Variants in ANKRD36B observed in about 807,000 individuals in gnomAD.
The protein encoded by ANKRD36B is ankyrin repeat domain-containing protein 36B.
In ANKRD36B, 37 loss-of-function variants were observed where a neutral mutation model predicts 135.7. The ratio of observed to expected loss-of-function variants is 0.27; its 90% CI spans 0.21 to 0.36. The LOEUF is 0.36. Ranked by LOEUF, ANKRD36B falls within the 10% of genes least tolerant of loss-of-function variation. The probability of loss-of-function intolerance (pLI) is 1.00; values close to 1 mark genes in which losing one functional copy is unlikely to be tolerated. For missense variants in ANKRD36B, 549 were observed against 1,037.1 expected (o/e 0.53, Z 6.46); for synonymous variants, 179 against 348.1 (o/e 0.51, Z 5.41).
intron 28 of ANKRD36B, 188 bp downstream of exon 28, chr2:97,541,723 C>A: frequency 3.8e-6 from 2 of 528,018 alleles, no homozygotes; most frequent in South Asian, 3.0e-5. Flanking sequence ...AGTCTACAAT[C>A]TTACTACTCA....
At chr2:97,585,941 CTT>C (rs1160201580) in intron 1 of ANKRD36B, among the ~76,000 whole-genome samples, 1 of 152,150 alleles carries the variant, frequency 6.6e-6, no homozygotes, top group Non-Finnish European at 1.5e-5. Flanking sequence ...CTACTATTCT[CTT>C]ATATATTAAC....
chr2:97,531,731 T>A lies in ANKRD36B; in HGVS notation c.2265+580A>T, dbSNP rs1362906078. The stretch of plus-strand genomic sequence containing the variant: ...ATTTAGAGATTTTCTATATTGAAAT[T>A]CATTAGGCAGTTATTGTTTGTACAC... On this transcript the variant is annotated intron_variant, in intron 35 of 43. Transcript: ENST00000359901. Among the ~76,000 whole-genome samples, 3 of 96,418 alleles carry A rather than the reference T, an allele frequency of 3.1e-5. 1 individual carries two copies. Among genetic ancestry groups the A allele is most frequent in the Admixed American group, 9.2e-5 (1 of 10,850 alleles). The allele number at this position is 96,418 out of a possible 152,430, so 63.3% of individuals were successfully genotyped here.
chr2:97,584,561 T>C (rs541552913), intron 3 of ANKRD36B, among the ~76,000 whole-genome samples: 1 of 151,846 alleles, frequency 6.6e-6, no homozygotes, highest in East Asian at 1.9e-4. Context: ...TTAATTTTCT[T>C]TGACATTTAA....
At chr2:97,586,944 C>CG (rs907782115) in intron 1 of ANKRD36B, among the ~76,000 whole-genome samples, 1 of 152,074 alleles carries the variant, frequency 6.6e-6, no homozygotes, top group African/African-American at 2.4e-5. Context: ...GAGGCCGAGG[C>CG]GGGGGGATCA....
At position 97,536,491 on chromosome 2, in the gene ANKRD36B, G is replaced by C; in HGVS notation, c.2095C>G (p.Pro699Ala). The stretch of plus-strand genomic sequence containing the variant: ...ACCTTCAAGGTGCGCAGATTCTCAG[G>C]ATACTCTAACAAGCAAGAGAAATAT... Reference protein sequence around the residue: ...TGGGKSGTEYPENLRTLKATI... With the variant: ...TGGGKSGTEYAENLRTLKATI... Residue 699 changes from proline (P) to alanine (A), a missense_variant, in exon 33 of 44, where the codon CCT (proline) becomes GCT (alanine). Transcript: ENST00000359901. The C allele has an allele frequency of 2.2e-6, 2 of 903,968 alleles. 1 individual carries two copies. The highest frequency in any genetic ancestry group is 2.5e-5 in the South Asian group (2 of 78,600). The allele number at this position is 903,968 out of a possible 1,614,324, so 56.0% of individuals were successfully genotyped here. A position where few individuals can be genotyped will look rare whatever the true frequency, so the allele number is the denominator to read the frequency against.
At position 97,551,372 on chromosome 2, in the gene ANKRD36B, T is replaced by G. The variant is rs150582296; in HGVS notation, c.1303-11A>C. The stretch of plus-strand genomic sequence containing the variant: ...CTCATCACTTGTGGCCTGAATGGAA[T>G]TTGAAACAAAATAATAAATAAGGTA... On this transcript the variant is annotated splice_polypyrimidine_tract_variant and intron_variant, in intron 17 of 43. Transcript: ENST00000359901. 5.2e-3 allele frequency: 8,360 copies of G among 1,600,516 alleles called. 360 individuals are homozygous for G. The East Asian group carries it at 0.11, about 22-fold the overall frequency.
intron 35 of ANKRD36B, among the ~76,000 whole-genome samples, chr2:97,525,418 G>A (rs1440636395): frequency 1.0e-5 from 1 of 96,376 alleles, no homozygotes; most frequent in African/African-American, 3.1e-5. Context: ...TTCTTTGTCT[G>A]GCAGCCAAGA....
Position 97,551,277 on chromosome 2 carries a change from T to C in ANKRD36B, c.1375+12A>G. 1 of 1,549,066 alleles carries C rather than the reference T, an allele frequency of 6.5e-7. No individual in the cohort carries two copies. The highest frequency in any genetic ancestry group is 8.7e-7 in the Non-Finnish European group (1 of 1,150,708). On this transcript the variant is annotated intron_variant, in intron 18 of 43. Transcript: ENST00000359901. ...GACTGAACATGACATTAAATGTGTT[T>C]CGCAAAATTACCTGTCCTAGATATT...
chr2:97,555,331 A>T, intron 12 of ANKRD36B, 77 bp from the exon 13 acceptor site: 1 of 1,585,696 alleles, frequency 6.3e-7, no homozygotes, highest in Non-Finnish European at 8.6e-7. Flanking sequence ...AAATGTTAGC[A>T]TCAAGCTGTA....
At chr2:97,533,402 A>G (rs1184883652) in intron 34 of ANKRD36B, among the ~76,000 whole-genome samples, 2 of 97,042 alleles carry the variant, frequency 2.1e-5, no homozygotes, top group African/African-American at 6.2e-5. Flanking sequence ...TCATGATCCT[A>G]AGACAGTAAG....
intron 1 of ANKRD36B, among the ~76,000 whole-genome samples, chr2:97,587,525 A>G (rs1249667657): frequency 6.6e-5 from 10 of 152,190 alleles, no homozygotes. Flanking sequence ...GTCCCATCCT[A>G]TGGATGCACT....
intron 22 of ANKRD36B, among the ~76,000 whole-genome samples, 199 bp from the exon 23 acceptor site, chr2:97,546,060 C>T (rs1475595485): frequency 6.6e-6 from 1 of 151,616 alleles, no homozygotes; most frequent in African/African-American, 2.4e-5. Flanking sequence ...GAAATATATC[C>T]TTACAATTTC....
rs1356807816 is a variant in ANKRD36B at position 97,551,333 on chromosome 2, G to A, written c.1331C>T (p.Ser444Leu). The A allele has an allele frequency of 8.8e-6, 14 of 1,585,708 alleles. No individual in the cohort carries two copies. The East Asian group carries it at 9.1e-5, about 10-fold the overall frequency. Residue 444 changes from serine (S) to leucine (L), a missense_variant, in exon 18 of 44, where the codon TCG (serine) becomes TTG (leucine). Ser to Leu is a moderately radical substitution (Grantham distance 145, BLOSUM62 -2). Coordinates refer to ENST00000359901, the MANE Select transcript of ANKRD36B (RefSeq NM_001393939.1). ...KATSDEKDSF[S>L]NITREKKDGE... ...ATCCTTTTTTTCTCTGGTTATATTC[G>A]AAAAAGAATCTTTCTCATCACTTGT...
At chr2:97,588,546 T>C (rs2104405739) in intron 1 of ANKRD36B, among the ~76,000 whole-genome samples, 1 of 152,224 alleles carries the variant, frequency 6.6e-6, no homozygotes, top group Non-Finnish European at 1.5e-5. Context: ...ATTTCAAAAG[T>C]TTTCTTAATG....
chr2:97,567,283 C>CTT (rs2081514299), intron 6 of ANKRD36B, among the ~76,000 whole-genome samples: 2 of 148,194 alleles, frequency 1.3e-5, no homozygotes, highest in Non-Finnish European at 3.0e-5. Context: ...ATACAGCTAC[C>CTT]TGGATGCTCT....
chr2:97,581,943 G>A (rs2082662901), intron 3 of ANKRD36B, among the ~76,000 whole-genome samples: 4 of 151,130 alleles, frequency 2.6e-5, no homozygotes, highest in Non-Finnish European at 5.9e-5. Flanking sequence ...CGAGTAGCTG[G>A]GACTACAGGC....
chr2:97,558,157 AGAG>A (rs1288950478), intron 10 of ANKRD36B, among the ~76,000 whole-genome samples: 1 of 152,094 alleles, frequency 6.6e-6, no homozygotes, highest in East Asian at 1.9e-4. Flanking sequence ...ACAGTAACAA[AGAG>A]GAGTAATGAG....
At position 97,502,137 on chromosome 2, in the gene ANKRD36B, GA is replaced by G. The variant is rs529985305; in HGVS notation, c.*6+4898del. Reference sequence around the variant, plus strand: ...CAAAAATTTAAAAACACAAGTAAATGAAAAAAAAATTCATGCTTGTGGATGG... The same window carrying G: ...CAAAAATTTAAAAACACAAGTAAATGAAAAAAAATTCATGCTTGTGGATGG... On this transcript the variant is annotated intron_variant, in intron 43 of 43. Coordinates refer to ENST00000359901, the MANE Select transcript of ANKRD36B (RefSeq NM_001393939.1). Among the ~76,000 whole-genome samples, 206 of 35,944 alleles carry G rather than the reference GA, an allele frequency of 5.7e-3. 4 individuals carry two copies. Among genetic ancestry groups the G allele is most frequent in the East Asian group, 0.023 (54 of 2,370 alleles). 23.6% of individuals were successfully genotyped at this position (35,944 alleles called of 152,430 possible).
At chr2:97,536,439 AT>A (rs1394393886) in intron 33 of ANKRD36B, 28 bp downstream of exon 33, 1 of 889,658 alleles carries the variant, frequency 1.1e-6, no homozygotes, top group African/African-American at 1.7e-5. Flanking sequence ...GCAGTTAATA[AT>A]TAAAAATATA....
Sources: gnomAD v4.1 joint callset for allele counts (sites outside exome capture counted in the v4.1 genomes callset) on GRCh38, gnomAD v4.1.1 for gene constraint, MANE v1.5 for transcripts, NCBI Gene and HGNC (gene_info 2026-07-23, HGNC 2026-07-21) for gene names.